The following MATCAP2 variants were observed in gnomAD, a reference collection of about 807,000 sequenced individuals.
MATCAP2 encodes microtubule associated tyrosine carboxypeptidase 2, also known as putative tyrosine carboxypeptidase MATCAP2.
the MATCAP2 span, among the ~76,000 whole-genome samples, chr7:36,378,547 G>A: frequency 6.6e-6 from 1 of 152,360 alleles, no homozygotes; most frequent in East Asian, 1.9e-4. Flanking sequence ...TAGGCTACAT[G>A]GGGTTCAGGG....
the MATCAP2 span, among the ~76,000 whole-genome samples, chr7:36,364,091 C>CTTTT: frequency 7.4e-5 from 3 of 40,644 alleles, no homozygotes; most frequent in Non-Finnish European, 1.2e-4. Context: ...TCTTCTTCTT[C>CTTTT]TTTTTTTTTT....
chr7:36,360,000 C>T, the MATCAP2 span, among the ~76,000 whole-genome samples: 1 of 152,066 alleles, frequency 6.6e-6, no homozygotes, highest in African/African-American at 2.4e-5. Context: ...TAGGTGTAGC[C>T]GGAAACGTAA....
chr7:36,389,785 G>C, the MATCAP2 span: 1 of 651,314 alleles, frequency 1.5e-6, no homozygotes, highest in Admixed American at 3.3e-5. Context: ...GGGGCGGGGA[G>C]AGGGCGCCCC....
chr7:36,329,813 T>C, the MATCAP2 span, among the ~76,000 whole-genome samples: 1 of 152,150 alleles, frequency 6.6e-6, no homozygotes, highest in Non-Finnish European at 1.5e-5. Flanking sequence ...ACTTTTACAA[T>C]GGGGAGATCT....
the MATCAP2 span, among the ~76,000 whole-genome samples, chr7:36,349,448 G>C: frequency 6.6e-6 from 1 of 152,124 alleles, no homozygotes. Context: ...CTCAGACACT[G>C]ACTGTGCCTT....
At chr7:36,388,521 TTC>T in the MATCAP2 span, among the ~76,000 whole-genome samples, 4 of 152,246 alleles carry the variant, frequency 2.6e-5, no homozygotes, top group African/African-American at 9.6e-5. Context: ...GGAGGAATAG[TTC>T]TGTTTTGTTC....
At chr7:36,356,752 T>C in the MATCAP2 span, 2 of 699,716 alleles carry the variant, frequency 2.9e-6, no homozygotes, top group Non-Finnish European at 5.0e-6. Context: ...AATACTCGTC[T>C]TGTCGCACAT....
the MATCAP2 span, among the ~76,000 whole-genome samples, chr7:36,329,079 A>G: frequency 6.6e-6 from 1 of 152,044 alleles, no homozygotes; most frequent in Non-Finnish European, 1.5e-5. Flanking sequence ...TAAAGAACTC[A>G]TGTTCATATT....
the MATCAP2 span, among the ~76,000 whole-genome samples, chr7:36,365,649 A>G: frequency 2.0e-5 from 3 of 152,206 alleles, no homozygotes; most frequent in African/African-American, 7.2e-5. Flanking sequence ...CAGTGAGCAG[A>G]GACAGCGCCA....
chr7:36,375,556 T>G, the MATCAP2 span, among the ~76,000 whole-genome samples: 6 of 152,186 alleles, frequency 3.9e-5, no homozygotes, highest in Admixed American at 2.6e-4. Flanking sequence ...TCTCTTTTTT[T>G]GTTGTGTCTC....
At chr7:36,367,028 G>C in the MATCAP2 span, 1 of 1,278,794 alleles carries the variant, frequency 7.8e-7, no homozygotes, top group Non-Finnish European at 9.8e-7. Context: ...TCTGACCCGG[G>C]CCTCGGTGGC....
the MATCAP2 span, among the ~76,000 whole-genome samples, chr7:36,376,281 G>A: frequency 1.3e-5 from 2 of 152,286 alleles, no homozygotes; most frequent in East Asian, 1.9e-4. Flanking sequence ...AGAGATTCTG[G>A]TATGTTGTGT....
the MATCAP2 span, among the ~76,000 whole-genome samples, chr7:36,365,096 T>C: frequency 2.0e-3 from 299 of 152,304 alleles, 1 homozygote; most frequent in African/African-American, 6.9e-3. Flanking sequence ...ACTCAACATG[T>C]TGACATATCA....
At chr7:36,357,641 G>T in the MATCAP2 span, 2 of 1,329,160 alleles carry the variant, frequency 1.5e-6, no homozygotes, top group Admixed American at 2.1e-5. Flanking sequence ...GATACCAGAT[G>T]AAGCAAACTG....
At chr7:36,366,829 C>A in the MATCAP2 span, 5 of 1,519,172 alleles carry the variant, frequency 3.3e-6, no homozygotes, top group Non-Finnish European at 4.4e-6. Flanking sequence ...GCGCGCCCAG[C>A]CGGTGGCTAC....
chr7:36,376,248 A>G, the MATCAP2 span, among the ~76,000 whole-genome samples: 2 of 152,168 alleles, frequency 1.3e-5, no homozygotes, highest in African/African-American at 4.8e-5. Context: ...ATTTCCCTCT[A>G]CACACTGCTT....
the MATCAP2 span, among the ~76,000 whole-genome samples, chr7:36,363,166 A>G: frequency 6.6e-6 from 1 of 152,242 alleles, no homozygotes; most frequent in African/African-American, 2.4e-5. Flanking sequence ...ACAACATGGT[A>G]GGTACCTGCT....
At chr7:36,348,419 A>C in the MATCAP2 span, among the ~76,000 whole-genome samples, 1 of 152,252 alleles carries the variant, frequency 6.6e-6, no homozygotes, top group Non-Finnish European at 1.5e-5. Context: ...TGGAAGAGGC[A>C]AAAGAAGAGC....
At chr7:36,352,764 T>C in the MATCAP2 span, among the ~76,000 whole-genome samples, 1 of 149,978 alleles carries the variant, frequency 6.7e-6, no homozygotes, top group African/African-American at 2.5e-5. Context: ...CCTGGGAGGC[T>C]GAGGCTGCAG....
Sources: gnomAD v4.1 joint callset for allele counts (sites outside exome capture counted in the v4.1 genomes callset) on GRCh38, gnomAD v4.1.1 for gene constraint, MANE v1.5 for transcripts, NCBI Gene and HGNC (gene_info 2026-07-23, HGNC 2026-07-21) for gene names.